Variants in SMIM10L1 observed in about 807,000 individuals in gnomAD.
The protein encoded by SMIM10L1 is small integral membrane protein 10 like 1.
In SMIM10L1, 6 loss-of-function variants were observed where a neutral mutation model predicts 4.5. The ratio of observed to expected loss-of-function variants is 1.33; its 90% CI spans 0.73 to 2.62. SMIM10L1 has a LOEUF of 2.62. SMIM10L1 is among the 30% of genes most tolerant of loss of function. The pLI is 0.00. For missense variants in SMIM10L1, 66 were observed against 86.2 expected (o/e 0.77, Z 0.93); for synonymous variants, 49 against 42.2 (o/e 1.16, Z -0.63).
Position 11,174,868 on chromosome 12 carries a change from T to A in SMIM10L1, c.*3305T>A, listed in dbSNP as rs1412605155. 1.3e-5 allele frequency: 2 copies of A among 152,640 alleles called. No homozygotes were observed. Among genetic ancestry groups the A allele is most frequent in the East Asian group, 3.9e-4 (2 of 5,176 alleles). 9.5% of individuals were successfully genotyped at this position (152,640 alleles called of 1,614,324 possible). A position where few individuals can be genotyped will look rare whatever the true frequency, so the allele number is the denominator to read the frequency against. On this transcript the variant is annotated 3_prime_UTR_variant, in exon 1 of 1. Coordinates refer to ENST00000622602, the MANE Select transcript of SMIM10L1 (RefSeq NM_001271592.2). ...GTGAGGAAAACATTTTTATCATTTT[T>A]CAGAGAAGCAAACCGGGATTTAGAG...
Position 11,171,453 on chromosome 12 carries a change from C to T in SMIM10L1, c.97C>T (p.Arg33Cys). 1.6e-6 allele frequency: 2 copies of T among 1,232,184 alleles called. No individual in the cohort carries two copies. The highest frequency in any genetic ancestry group is 2.0e-6 in the Non-Finnish European group (2 of 987,992). 76.3% of individuals were successfully genotyped at this position (1,232,184 alleles called of 1,614,324 possible). A position where few individuals can be genotyped will look rare whatever the true frequency, so the allele number is the denominator to read the frequency against. Reference protein sequence around the residue: ...SYGVFCKGLSRTLLAFFELAW... With the variant: ...SYGVFCKGLSCTLLAFFELAW... ...CGGCGTCTTCTGCAAGGGGCTCTCCCGCACCCTGCTCGCCTTCTTCGAGCT... is the reference window on the plus strand; with the variant it reads ...CGGCGTCTTCTGCAAGGGGCTCTCCTGCACCCTGCTCGCCTTCTTCGAGCT... The change falls in exon 1 of 1, where the codon CGC becomes TGC. Residue 33 changes from arginine to cysteine, a missense_variant. Physicochemically the swap from Arg to Cys is radical, Grantham distance 180 (BLOSUM62 -3). Transcript: ENST00000622602.
In SMIM10L1 at chr12:11,171,590, G is replaced by T; in HGVS notation, c.*27G>T. The T allele has an allele frequency of 8.1e-7, 1 of 1,227,968 alleles. No individual in the cohort carries two copies. The highest frequency in any genetic ancestry group is 1.0e-6 in the Non-Finnish European group (1 of 984,226). The allele number at this position is 1,227,968 out of a possible 1,614,324, so 76.1% of individuals were successfully genotyped here. A position where few individuals can be genotyped will look rare whatever the true frequency, so the allele number is the denominator to read the frequency against. On this transcript the variant is annotated 3_prime_UTR_variant, in exon 1 of 1. Transcript: ENST00000622602. ...GCCATGACTAAGCTAACGGCCTCCG[G>T]GGCCAGCATGATGGCCGACTCCCAG...
At position 11,171,335 on chromosome 12, in the gene SMIM10L1, G is replaced by A; in HGVS notation, c.-22G>A. On this transcript the variant is annotated 5_prime_UTR_variant, in exon 1 of 1. Transcript: ENST00000622602. ...GCGGCAACCCTCGCTACAGACGCTG[G>A]GCGGGCGGCGACACCTGGCTCATGG... The A allele has an allele frequency of 2.4e-6, 3 of 1,228,704 alleles. No homozygotes were observed. Among genetic ancestry groups the A allele is most frequent in the Non-Finnish European group, 3.0e-6 (3 of 984,992 alleles). The allele number at this position is 1,228,704 out of a possible 1,614,324, so 76.1% of individuals were successfully genotyped here.
rs1441107270 is a variant in SMIM10L1 at position 11,174,787 on chromosome 12, A to C, written c.*3224A>C. On this transcript the variant is annotated 3_prime_UTR_variant, in exon 1 of 1. Transcript: ENST00000622602. ...TAAAATATATTGAGTTTTTAATACC[A>C]GGAACTATGAAAAACTATTTATATA... 2 of 152,474 alleles carry C rather than the reference A, an allele frequency of 1.3e-5. No homozygotes were observed. Among genetic ancestry groups the C allele is most frequent in the African/African-American group, 4.8e-5 (2 of 41,418 alleles). The allele number at this position is 152,474 out of a possible 1,614,324, so 9.4% of individuals were successfully genotyped here. A position where few individuals can be genotyped will look rare whatever the true frequency, so the allele number is the denominator to read the frequency against.
At position 11,175,554 on chromosome 12, in the gene SMIM10L1, G is replaced by A. The variant is rs1947935693; in HGVS notation, c.*3991G>A. 6.6e-6 allele frequency: 1 copy of A among 152,202 alleles called. No homozygotes were observed. The highest frequency in any genetic ancestry group is 6.5e-5 in the Admixed American group (1 of 15,284). The allele number at this position is 152,202 out of a possible 1,614,324, so 9.4% of individuals were successfully genotyped here. On this transcript the variant is annotated 3_prime_UTR_variant, in exon 1 of 1. Coordinates refer to ENST00000622602, the MANE Select transcript of SMIM10L1 (RefSeq NM_001271592.2). ...GTTTGAGCATGGAAAGTAGTCTAAA[G>A]ACGACTTGGGAAGTTCCAAGAAAAT...
In SMIM10L1 at chr12:11,173,890, T is replaced by C. The variant is rs571410620; in HGVS notation, c.*2327T>C. The C allele has an allele frequency of 1.8e-4, 27 of 151,652 alleles. No homozygotes were observed. Among genetic ancestry groups the C allele is most frequent in the Non-Finnish European group, 3.7e-4 (25 of 67,902 alleles). 9.4% of individuals were successfully genotyped at this position (151,652 alleles called of 1,614,324 possible). On this transcript the variant is annotated 3_prime_UTR_variant, in exon 1 of 1. Coordinates refer to ENST00000622602, the MANE Select transcript of SMIM10L1 (RefSeq NM_001271592.2). ...TGTACTGTATATATACATATATATA[T>C]ACATACACATATATAAATTTAAGTA...
rs1947874797 is a variant in SMIM10L1 at position 11,172,376 on chromosome 12, A to T, written c.*813A>T. 1.3e-5 allele frequency: 2 copies of T among 152,224 alleles called. No individual in the cohort carries two copies. The highest frequency in any genetic ancestry group is 1.3e-4 in the Admixed American group (2 of 15,286). The allele number at this position is 152,224 out of a possible 1,614,324, so 9.4% of individuals were successfully genotyped here. Reference sequence around the variant, plus strand: ...TGTTTTAAAAATACAGCCGGAAAATACAAGTGGGAATGTTGAAGGAGGGCG... The same window carrying T: ...TGTTTTAAAAATACAGCCGGAAAATTCAAGTGGGAATGTTGAAGGAGGGCG... On this transcript the variant is annotated 3_prime_UTR_variant, in exon 1 of 1. Transcript: ENST00000622602.
rs563728848 is a variant in SMIM10L1 at position 11,175,100 on chromosome 12, A to AT, written c.*3537_*3538insT. On this transcript the variant is annotated 3_prime_UTR_variant, in exon 1 of 1. Coordinates refer to ENST00000622602, the MANE Select transcript of SMIM10L1 (RefSeq NM_001271592.2). ...ATAACTATTGAGGGTCTTTCATACT[A>AT]AAATATAAATATTTAACATGATTTG... 6.6e-6 allele frequency: 1 copy of AT among 152,248 alleles called. No individual in the cohort carries two copies. The highest frequency in any genetic ancestry group is 6.5e-5 in the Admixed American group (1 of 15,290). The allele number at this position is 152,248 out of a possible 1,614,324, so 9.4% of individuals were successfully genotyped here.
In SMIM10L1 at chr12:11,172,498, A is replaced by T. The variant is rs2136494078; in HGVS notation, c.*935A>T. The T allele has an allele frequency of 6.6e-6, 1 of 152,288 alleles. No homozygotes were observed. The highest frequency in any genetic ancestry group is 1.9e-4 in the East Asian group (1 of 5,186). The allele number at this position is 152,288 out of a possible 1,614,324, so 9.4% of individuals were successfully genotyped here. ...GGGGAAAGACATTTTTATTACTTAC[A>T]GGGTAGCCATAAAGTTTCTAAAACG... On this transcript the variant is annotated 3_prime_UTR_variant, in exon 1 of 1. Coordinates refer to ENST00000622602, the MANE Select transcript of SMIM10L1 (RefSeq NM_001271592.2).
Position 11,172,400 on chromosome 12 carries a change from CGGGG to C in SMIM10L1, c.*839_*842del, listed in dbSNP as rs1947875281. ...TACAAGTGGGAATGTTGAAGGAGGG[CGGGG>C]GAAGTAAATGGAATGGGGGTTATGT... is the stretch of plus-strand genomic sequence containing the variant. On this transcript the variant is annotated 3_prime_UTR_variant, in exon 1 of 1. Transcript: ENST00000622602. 5 of 148,322 alleles carry C rather than the reference CGGGG, an allele frequency of 3.4e-5. No homozygotes were observed. The highest frequency in any genetic ancestry group is 7.4e-5 in the Non-Finnish European group (5 of 67,310). The allele number at this position is 148,322 out of a possible 1,614,324, so 9.2% of individuals were successfully genotyped here. A position where few individuals can be genotyped will look rare whatever the true frequency, so the allele number is the denominator to read the frequency against.
rs4763637 is a variant in SMIM10L1, at chr12:11,173,716, T to A, written c.*2153T>A. 6.6e-6 allele frequency: 1 copy of A among 151,880 alleles called. No individual in the cohort carries two copies. The highest frequency in any genetic ancestry group is 2.4e-5 in the African/African-American group (1 of 41,312). 9.4% of individuals were successfully genotyped at this position (151,880 alleles called of 1,614,324 possible). A position where few individuals can be genotyped will look rare whatever the true frequency, so the allele number is the denominator to read the frequency against. ...GGGTGACTATGTGAACATATTCCTA[T>A]AACTTTTTTCCTCACATCAGTCATT... On this transcript the variant is annotated 3_prime_UTR_variant, in exon 1 of 1. Coordinates refer to ENST00000622602, the MANE Select transcript of SMIM10L1 (RefSeq NM_001271592.2).
rs1947907658 is a variant in SMIM10L1, at chr12:11,173,833, C to G, written c.*2270C>G. 1 of 151,852 alleles carries G rather than the reference C, an allele frequency of 6.6e-6. No individual in the cohort carries two copies. The highest frequency in any genetic ancestry group is 2.4e-5 in the African/African-American group (1 of 41,358). The allele number at this position is 151,852 out of a possible 1,614,324, so 9.4% of individuals were successfully genotyped here. A position where few individuals can be genotyped will look rare whatever the true frequency, so the allele number is the denominator to read the frequency against. ...GTGAGGGAAGACACTATATCCTATT[C>G]AATTTTACACCCGGTAGTAACAGTA... On this transcript the variant is annotated 3_prime_UTR_variant, in exon 1 of 1. Transcript: ENST00000622602.
At position 11,172,404 on chromosome 12, in the gene SMIM10L1, G is replaced by A. The variant is rs1366361177; in HGVS notation, c.*841G>A. Reference sequence around the variant, plus strand: ...AGTGGGAATGTTGAAGGAGGGCGGGGGAAGTAAATGGAATGGGGGTTATGT... The same window carrying A: ...AGTGGGAATGTTGAAGGAGGGCGGGAGAAGTAAATGGAATGGGGGTTATGT... On this transcript the variant is annotated 3_prime_UTR_variant, in exon 1 of 1. Transcript: ENST00000622602. The A allele has an allele frequency of 6.6e-6, 1 of 152,082 alleles. No homozygotes were observed. Among genetic ancestry groups the A allele is most frequent in the African/African-American group, 2.4e-5 (1 of 41,420 alleles). The allele number at this position is 152,082 out of a possible 1,614,324, so 9.4% of individuals were successfully genotyped here. A position where few individuals can be genotyped will look rare whatever the true frequency, so the allele number is the denominator to read the frequency against.
At position 11,172,910 on chromosome 12, in the gene SMIM10L1, G is replaced by A. The variant is rs965637916; in HGVS notation, c.*1347G>A. On this transcript the variant is annotated 3_prime_UTR_variant, in exon 1 of 1. Transcript: ENST00000622602. ...TGGGAGGATGGGAGAAAAGAGATGT[G>A]TGTGTGTGTAATGGTGGTGAGCCAA... is the stretch of plus-strand genomic sequence containing the variant. 1 of 152,104 alleles carries A rather than the reference G, an allele frequency of 6.6e-6. No individual in the cohort carries two copies. Among genetic ancestry groups the A allele is most frequent in the Non-Finnish European group, 1.5e-5 (1 of 68,008 alleles). 9.4% of individuals were successfully genotyped at this position (152,104 alleles called of 1,614,324 possible). A position where few individuals can be genotyped will look rare whatever the true frequency, so the allele number is the denominator to read the frequency against.
Position 11,172,869 on chromosome 12 carries a change from A to G in SMIM10L1, c.*1306A>G, listed in dbSNP as rs1027160317. Reference sequence around the variant, plus strand: ...AATACTGAATACTGATTTTACAACAAATGATTCTATAACGCTGGGAGGATG... The same window carrying G: ...AATACTGAATACTGATTTTACAACAGATGATTCTATAACGCTGGGAGGATG... On this transcript the variant is annotated 3_prime_UTR_variant, in exon 1 of 1. Transcript: ENST00000622602. 3.9e-5 allele frequency: 6 copies of G among 152,344 alleles called. No homozygotes were observed. In the East Asian group the frequency reaches 1.2e-3, roughly 29 times the overall value. The allele number at this position is 152,344 out of a possible 1,614,324, so 9.4% of individuals were successfully genotyped here. A position where few individuals can be genotyped will look rare whatever the true frequency, so the allele number is the denominator to read the frequency against.
chr12:11,171,538 A>C lies in SMIM10L1; in HGVS notation c.182A>C (p.Asn61Thr). The C allele has an allele frequency of 2.4e-6, 3 of 1,232,182 alleles. No individual in the cohort carries two copies. The highest frequency in any genetic ancestry group is 3.0e-6 in the Non-Finnish European group (3 of 988,074). 76.3% of individuals were successfully genotyped at this position (1,232,182 alleles called of 1,614,324 possible). A position where few individuals can be genotyped will look rare whatever the true frequency, so the allele number is the denominator to read the frequency against. Residue 61 changes from asparagine (N) to threonine (T), a missense_variant, in exon 1 of 1, where the codon AAC becomes ACC. Physicochemically the swap from Asn to Thr is moderately conservative, Grantham distance 65. Transcript: ENST00000622602. ...TACGTCGCGGGCTCGGTGATCCTCA[A>C]CATCCGATTGCAGGTACATATTTAG... ...YFYVAGSVILNIRLQVHI is the reference protein window; with the variant it reads ...YFYVAGSVILTIRLQVHI
At position 11,173,988 on chromosome 12, in the gene SMIM10L1, G is replaced by A. The variant is rs1318746733; in HGVS notation, c.*2425G>A. 3 of 151,076 alleles carry A rather than the reference G, an allele frequency of 2.0e-5. No individual in the cohort carries two copies. Among genetic ancestry groups the A allele is most frequent in the Admixed American group, 6.6e-5 (1 of 15,124 alleles). The allele number at this position is 151,076 out of a possible 1,614,324, so 9.4% of individuals were successfully genotyped here. ...TACAGTATATAAGTATATATGTATA[G>A]TTACTACTTACAATATATGCATAAA... On this transcript the variant is annotated 3_prime_UTR_variant, in exon 1 of 1. Coordinates refer to ENST00000622602, the MANE Select transcript of SMIM10L1 (RefSeq NM_001271592.2).
Position 11,172,780 on chromosome 12 carries a change from T to C in SMIM10L1, c.*1217T>C, listed in dbSNP as rs1947883396. On this transcript the variant is annotated 3_prime_UTR_variant, in exon 1 of 1. Transcript: ENST00000622602. ...AAAAATAAAAATTTAAAAACTACAC[T>C]GTATACACGGTATACCTCAACTGTG... 6.6e-6 allele frequency: 1 copy of C among 152,228 alleles called. No homozygotes were observed. Among genetic ancestry groups the C allele is most frequent in the Admixed American group, 6.5e-5 (1 of 15,290 alleles). 9.4% of individuals were successfully genotyped at this position (152,228 alleles called of 1,614,324 possible).
Position 11,171,675 on chromosome 12 carries a change from CAG to C in SMIM10L1, c.*113_*114del. ...AGCCCCACAGTCTCGCGAGAGTGCT[CAG>C]GCGCTCTTCGTGGCTGCCCTCTTAG... On this transcript the variant is annotated 3_prime_UTR_variant, in exon 1 of 1. Transcript: ENST00000622602. 3 of 775,266 alleles carry C rather than the reference CAG, an allele frequency of 3.9e-6. No individual in the cohort carries two copies. The highest frequency in any genetic ancestry group is 5.3e-6 in the Non-Finnish European group (3 of 571,162). 48.0% of individuals were successfully genotyped at this position (775,266 alleles called of 1,614,324 possible).
Sources: allele counts gnomAD v4.1 joint callset, GRCh38; gene constraint gnomAD v4.1.1; transcripts MANE v1.5; gene names NCBI Gene and HGNC (gene_info 2026-07-23, HGNC 2026-07-21).